GAS2L3: variants seen among roughly 807,000 people sequenced by gnomAD.
GAS2L3 encodes GAS2-like protein 3.
A neutral mutation model predicts 37.0 loss-of-function variants in GAS2L3; 28 were observed. The ratio of observed to expected loss-of-function variants is 0.76; its 90% CI spans 0.56 to 1.04. GAS2L3 has a LOEUF of 1.04. Ranked by LOEUF, GAS2L3 falls within the 50% of genes least tolerant of loss-of-function variation. The pLI is 0.00. For missense variants in GAS2L3, 793 were observed against 817.6 expected, an observed-to-expected ratio of 0.97 and a Z score of 0.37; for synonymous variants, 290 against 296.6, an observed-to-expected ratio of 0.98 and a Z score of 0.23.
rs571438404 is a variant in GAS2L3, at chr12:100,594,150, T to C, written c.-30-725T>C. On this transcript the variant is annotated intron_variant, in intron 2 of 9. Transcript: ENST00000547754. The stretch of plus-strand genomic sequence containing the variant: ...TAGCTTATTATGCTGCTATGAGCAA[T>C]AAAAAATCCTAGGTTTTTATAGTCT... 9.9e-5 allele frequency among the ~76,000 whole-genome samples: 15 copies of C among 152,148 alleles called. No homozygotes were observed. In the South Asian group the frequency reaches 2.9e-3, roughly 29 times the overall value.
At chr12:100,597,743 A>G (rs1220660417) in intron 3 of GAS2L3, among the ~76,000 whole-genome samples, 1 of 151,672 alleles carries the variant, frequency 6.6e-6, no homozygotes, top group Admixed American at 6.6e-5. Flanking sequence ...ATTTCTCATC[A>G]TGGGAGATTG....
chr12:100,595,889 T>C (rs527262861), intron 3 of GAS2L3, among the ~76,000 whole-genome samples: 10 of 152,198 alleles, frequency 6.6e-5, no homozygotes, highest in Admixed American at 4.6e-4. Context: ...ATTTTCCAGA[T>C]ATAAACCTAG....
At chr12:100,612,896 C>A (rs1251091193) in intron 6 of GAS2L3, among the ~76,000 whole-genome samples, 1 of 152,138 alleles carries the variant, frequency 6.6e-6, no homozygotes, top group Non-Finnish European at 1.5e-5. Flanking sequence ...TAGTAAAAAG[C>A]AAACTGACTT....
At chr12:100,605,081 G>C (rs752549000) in intron 5 of GAS2L3, among the ~76,000 whole-genome samples, 2 of 151,946 alleles carry the variant, frequency 1.3e-5, no homozygotes, top group Non-Finnish European at 2.9e-5. Context: ...TCTTTGTCTG[G>C]TTTTGGTATA....
chr12:100,602,943 G>A (rs1339133367), intron 5 of GAS2L3, among the ~76,000 whole-genome samples: 1 of 152,088 alleles, frequency 6.6e-6, no homozygotes, highest in East Asian at 1.9e-4. Flanking sequence ...ATGACCTCCA[G>A]TTCCATCCAT....
intron 5 of GAS2L3, among the ~76,000 whole-genome samples, chr12:100,606,068 C>A (rs2136493054): frequency 6.6e-6 from 1 of 152,072 alleles, no homozygotes; most frequent in South Asian, 2.1e-4. Context: ...GAAGATCTGA[C>A]CAATGCTGAA....
intron 3 of GAS2L3, among the ~76,000 whole-genome samples, chr12:100,595,407 T>G (rs118189025): frequency 0.034 from 5,184 of 151,338 alleles, 116 homozygotes; most frequent in Admixed American, 0.064. Context: ...GGTTTTTTTT[T>G]TTTTGTTTTG....
At chr12:100,589,603 C>T (rs1478701932) in intron 1 of GAS2L3, among the ~76,000 whole-genome samples, 1 of 151,990 alleles carries the variant, frequency 6.6e-6, no homozygotes, top group African/African-American at 2.4e-5. Flanking sequence ...CAAAAAAGAG[C>T]CCACATAGCC....
chr12:100,617,842 TA>T, intron 7 of GAS2L3, 35 bp downstream of exon 7: 3 of 1,264,082 alleles, frequency 2.4e-6, no homozygotes, highest in East Asian at 2.3e-5. Context: ...ATTTCAATGT[TA>T]TAAACATTTT....
intron 1 of GAS2L3, among the ~76,000 whole-genome samples, chr12:100,590,969 A>G (rs1052806345): frequency 3.3e-5 from 5 of 152,088 alleles, no homozygotes; most frequent in Admixed American, 1.3e-4. Flanking sequence ...AAGACTACAA[A>G]TATGGTGCAG....
chr12:100,623,282 A>T (rs1279935249), intron 9 of GAS2L3, among the ~76,000 whole-genome samples: 2 of 152,214 alleles, frequency 1.3e-5, no homozygotes, highest in East Asian at 3.8e-4. Flanking sequence ...AACTTGAGAT[A>T]TATTGGCAGA....
At chr12:100,577,193 T>C (rs539170954) in intron 1 of GAS2L3, among the ~76,000 whole-genome samples, 1 of 152,212 alleles carries the variant, frequency 6.6e-6, no homozygotes, top group Non-Finnish European at 1.5e-5. Flanking sequence ...TGCATATAGC[T>C]CTGTGTTATT....
intron 5 of GAS2L3, among the ~76,000 whole-genome samples, chr12:100,603,748 G>C (rs1346907249): frequency 6.6e-6 from 1 of 152,030 alleles, no homozygotes; most frequent in East Asian, 1.9e-4. Context: ...TCTTGTAGCA[G>C]TTGCATAGTA....
intron 1 of GAS2L3, among the ~76,000 whole-genome samples, chr12:100,583,256 T>A (rs1955736338): frequency 6.6e-6 from 1 of 152,194 alleles, no homozygotes; most frequent in East Asian, 1.9e-4. Context: ...ATCTGAAAGG[T>A]CCCATTTGCT....
chr12:100,617,781 T>C lies in GAS2L3; in HGVS notation c.483T>C (p.Leu161=). 6.2e-7 allele frequency: 1 copy of C among 1,607,728 alleles called. No homozygotes were observed. The highest frequency in any genetic ancestry group is 8.5e-7 in the Non-Finnish European group (1 of 1,174,822). Residue 161 remains leucine, a synonymous_variant, in exon 7 of 10, where the codon CTT becomes CTC. Coordinates refer to ENST00000547754, the MANE Select transcript of GAS2L3 (RefSeq NM_174942.3). ...ATCCAAGACAGGTGTATCTTTGTCT[T>C]CTTGAAATTGGTCGAATTGTGTCAA... is the stretch of plus-strand genomic sequence containing the variant. ...HKDPRQVYLC[L]LEIGRIVSRY...
intron 1 of GAS2L3, among the ~76,000 whole-genome samples, chr12:100,582,868 C>T (rs975652554): frequency 2.6e-5 from 4 of 152,114 alleles, no homozygotes; most frequent in Non-Finnish European, 4.4e-5. Flanking sequence ...TCCCAGTTTC[C>T]GCTGACACCT....
chr12:100,599,074 C>T lies in GAS2L3; in HGVS notation c.19-1308C>T, dbSNP rs149621951. 6.5e-3 allele frequency among the ~76,000 whole-genome samples: 987 copies of T among 152,194 alleles called. 8 individuals are homozygous for T. The highest frequency in any genetic ancestry group is 0.021 in the African/African-American group (854 of 41,520). On this transcript the variant is annotated intron_variant, in intron 3 of 9. Transcript: ENST00000547754. ...TCTTGCACAGGGCTGTCCCCATACC[C>T]GGATGCCCACTCACCTCACTCATGC...
intron 7 of GAS2L3, among the ~76,000 whole-genome samples, chr12:100,618,183 G>A (rs1956210748): frequency 6.6e-6 from 1 of 152,114 alleles, no homozygotes; most frequent in Non-Finnish European, 1.5e-5. Flanking sequence ...TCTTTACTCA[G>A]CAGCTGATTC....
chr12:100,603,337 A>C (rs753850111), intron 5 of GAS2L3, among the ~76,000 whole-genome samples: 1 of 152,070 alleles, frequency 6.6e-6, no homozygotes. Flanking sequence ...AAGCCATTTT[A>C]ATTGGGATGA....
Sources: gnomAD v4.1 joint callset for allele counts (sites outside exome capture counted in the v4.1 genomes callset) on GRCh38, gnomAD v4.1.1 for gene constraint, MANE v1.5 for transcripts, NCBI Gene and HGNC (gene_info 2026-07-23, HGNC 2026-07-21) for gene names.